Variants in NLRP11 observed in about 807,000 individuals in gnomAD.
NLRP11 encodes NACHT, LRR and PYD domains-containing protein 11.
Under a neutral mutation model 79.3 loss-of-function variants are expected in NLRP11, and 53 were observed. That is an observed-to-expected ratio of 0.67 (90% CI 0.54 to 0.84). The LOEUF (loss-of-function observed/expected upper bound fraction) is 0.84, where lower values mean the gene tolerates loss of function less well. NLRP11 is among the 40% of genes least tolerant of loss of function. The pLI, the probability that NLRP11 is intolerant of heterozygous loss-of-function variation, is 0.00. For synonymous variants in NLRP11, 518 were observed against 462.6 expected (o/e 1.12, Z -1.54); for missense variants, 1,264 against 1,255.0 (o/e 1.01, Z -0.11).
chr19:55,786,646 A>G (rs1426874889), intron 9 of NLRP11, among the ~76,000 whole-genome samples: 3 of 152,204 alleles, frequency 2.0e-5, no homozygotes, highest in Admixed American at 6.5e-5. Flanking sequence ...TCTGCATGTG[A>G]GTGTCCCAAT....
At chr19:55,816,221 A>G (rs10411990) in intron 2 of NLRP11, among the ~76,000 whole-genome samples, 1 of 152,046 alleles carries the variant, frequency 6.6e-6, no homozygotes, top group African/African-American at 2.4e-5. Flanking sequence ...AAGCCAAAGA[A>G]GAGGAGTAGC....
chr19:55,822,383 A>C (rs191510370), intron 1 of NLRP11, among the ~76,000 whole-genome samples: 36 of 152,368 alleles, frequency 2.4e-4, no homozygotes, highest in African/African-American at 7.7e-4. Flanking sequence ...ACTGAGGCTT[A>C]GAATTTTATC....
At chr19:55,795,658 T>G (rs1160888833) in intron 6 of NLRP11, among the ~76,000 whole-genome samples, 1 of 151,950 alleles carries the variant, frequency 6.6e-6, no homozygotes, top group Non-Finnish European at 1.5e-5. Context: ...CCCGGCTAAT[T>G]TTTGTATTTT....
intron 5 of NLRP11, among the ~76,000 whole-genome samples, chr19:55,796,895 G>A (rs558096475): frequency 2.0e-5 from 3 of 152,024 alleles, no homozygotes; most frequent in African/African-American, 7.2e-5. Context: ...CACCATGTTG[G>A]CCAGGCTGGT....
exon 2 of NLRP11, chr19:55,818,127 C>G: frequency 6.2e-7 from 1 of 1,614,010 alleles, no homozygotes; most frequent in East Asian, 2.2e-5. Flanking sequence ...CACTGAGATT[C>G]TCTAGATACC....
upstream of NLRP11, chr19:55,832,925 A>T (rs1982925645): frequency 6.6e-6 from 1 of 152,220 alleles, no homozygotes; most frequent in Non-Finnish European, 1.5e-5. Context: ...TCTGAAAGAA[A>T]GAGGCGAAAT....
At chr19:55,821,348 ACT>A (rs1319842084) in intron 1 of NLRP11, among the ~76,000 whole-genome samples, 2 of 151,574 alleles carry the variant, frequency 1.3e-5, no homozygotes, top group Non-Finnish European at 2.9e-5. Context: ...GTCCTGGGTG[ACT>A]CTGCCGGGAG....
intron 2 of NLRP11, among the ~76,000 whole-genome samples, chr19:55,815,115 A>C (rs1446740329): frequency 7.2e-6 from 1 of 139,134 alleles, no homozygotes; most frequent in Non-Finnish European, 1.5e-5. Flanking sequence ...AATTCAGGTT[A>C]CAAAAAAAAA....
rs1980352990 is a variant in NLRP11, at chr19:55,809,395, C to T, written c.1215G>A (p.Leu405=). 6.2e-7 allele frequency: 1 copy of T among 1,614,152 alleles called. No individual in the cohort carries two copies. The highest frequency in any genetic ancestry group is 8.5e-7 in the Non-Finnish European group (1 of 1,180,016). Residue 405 remains leucine, a synonymous_variant, in exon 3 of 10, where the codon CTG becomes CTA. Transcript: ENST00000589093. The surrounding 1 kb of genome is among the most constrained non-coding windows in gnomAD (Gnocchi z 4.5). ...CACTGAAATTCAGGGTGCTCAGAAA[C>T]AGTCCTCCTGCAGCCAGCAAACACA... is the stretch of plus-strand genomic sequence containing the variant.
chr19:55,828,884 A>G (rs1982478252), intron 1 of NLRP11, among the ~76,000 whole-genome samples: 1 of 148,300 alleles, frequency 6.7e-6, no homozygotes, highest in Non-Finnish European at 1.5e-5. Flanking sequence ...TTTGAAGAAA[A>G]ATATGTAGAC....
intron 7 of NLRP11, among the ~76,000 whole-genome samples, chr19:55,790,955 GTTATAC>G (rs1600172627): frequency 1.3e-5 from 2 of 151,864 alleles, no homozygotes; most frequent in East Asian, 3.8e-4. Context: ...AAAATGGACA[GTTATAC>G]TTAAGACAAT....
intron 5 of NLRP11, among the ~76,000 whole-genome samples, chr19:55,798,065 T>C (rs1006257959): frequency 4.0e-5 from 6 of 150,894 alleles, no homozygotes; most frequent in African/African-American, 1.5e-4. Flanking sequence ...AATGGTGTGA[T>C]CTCGGCTCAC....
chr19:55,830,187 A>AGGTAT (rs1982612225), intron 1 of NLRP11, among the ~76,000 whole-genome samples: 1 of 152,138 alleles, frequency 6.6e-6, no homozygotes. Context: ...CCCTAAGTGA[A>AGGTAT]CACAAGTAGA....
chr19:55,827,251 T>A (rs1343102506), intron 1 of NLRP11, among the ~76,000 whole-genome samples: 1 of 141,950 alleles, frequency 7.0e-6, no homozygotes, highest in Non-Finnish European at 1.5e-5. Flanking sequence ...TTACACCTTA[T>A]ACAAAAATCA....
intron 7 of NLRP11, among the ~76,000 whole-genome samples, chr19:55,791,204 GAAAAA>G (rs1568626971): frequency 6.6e-6 from 1 of 152,054 alleles, no homozygotes; most frequent in Non-Finnish European, 1.5e-5. Context: ...GCCTGTTATA[GAAAAA>G]GGTTTCTAAC....
intron 2 of NLRP11, among the ~76,000 whole-genome samples, chr19:55,817,248 C>T (rs187591812): frequency 6.6e-6 from 1 of 152,206 alleles, no homozygotes; most frequent in Non-Finnish European, 1.5e-5. Flanking sequence ...ATGTAAACCA[C>T]TATGAAAACC....
At chr19:55,822,762 AT>A (rs1284312962) in intron 1 of NLRP11, among the ~76,000 whole-genome samples, 2 of 152,004 alleles carry the variant, frequency 1.3e-5, no homozygotes, top group Non-Finnish European at 2.9e-5. Context: ...GGAGGGTCCT[AT>A]GCCCACGGAG....
chr19:55,785,531 A>G, exon 10 of NLRP11: 1 of 1,144,318 alleles, frequency 8.7e-7, no homozygotes, highest in Non-Finnish European at 1.3e-6. Flanking sequence ...ACACACACAC[A>G]CACACACATC....
intron 2 of NLRP11, among the ~76,000 whole-genome samples, chr19:55,811,836 C>T (rs940930969): frequency 2.0e-5 from 3 of 151,964 alleles, no homozygotes. Flanking sequence ...TATCTGTTTT[C>T]TTGTTATGCA....
Sources: gnomAD v4.1 joint callset for allele counts (sites outside exome capture counted in the v4.1 genomes callset) on GRCh38, gnomAD v4.1.1 for gene constraint, Gnocchi (gnomAD v3.1) non-coding constraint, MANE v1.5 for transcripts, NCBI Gene and HGNC (gene_info 2026-07-23, HGNC 2026-07-21) for gene names.